Variants in CDKAL1 observed in about 807,000 individuals in gnomAD.
CDKAL1 encodes the protein threonylcarbamoyladenosine tRNA methylthiotransferase.
CDKAL1 carries 32 observed loss-of-function variants against 68.2 expected under a neutral mutation model. The ratio of observed to expected loss-of-function variants is 0.47; its 90% CI spans 0.35 to 0.63. The LOEUF is 0.63. Ranked by LOEUF, CDKAL1 falls within the 30% of genes least tolerant of loss-of-function variation. CDKAL1 has a pLI of 0.00. For synonymous variants in CDKAL1, 234 were observed against 244.3 expected (o/e 0.96, Z 0.39); for missense variants, 606 against 696.7 (o/e 0.87, Z 1.47).
At chr6:20,653,016 T>G (rs1768845137) in intron 5 of CDKAL1, among the ~76,000 whole-genome samples, 1 of 152,244 alleles carries the variant, frequency 6.6e-6, no homozygotes. Context: ...ACTGTTTGTG[T>G]TCTTCTGAGA....
intron 8 of CDKAL1, among the ~76,000 whole-genome samples, chr6:20,794,480 CT>C (rs1174618139): frequency 2.4e-4 from 36 of 152,064 alleles, no homozygotes; most frequent in Admixed American, 2.4e-3. Context: ...GGAAAAAACC[CT>C]TTTAATTAGG....
At chr6:20,620,388 C>T (rs147330910) in intron 4 of CDKAL1, among the ~76,000 whole-genome samples, 46 of 152,288 alleles carry the variant, frequency 3.0e-4, no homozygotes, top group African/African-American at 1.1e-3. Flanking sequence ...ATTTGTTAAG[C>T]TTCTACAATA....
chr6:20,575,441 CA>C (rs57442477), intron 4 of CDKAL1, among the ~76,000 whole-genome samples: 22,004 of 95,414 alleles, frequency 0.23, 1,044 homozygotes, highest in East Asian at 0.4. Flanking sequence ...AGGGGCACCA[CA>C]AAAAAAAAAA....
chr6:20,715,714 TG>T (rs1490751814), intron 5 of CDKAL1, among the ~76,000 whole-genome samples: 1 of 152,222 alleles, frequency 6.6e-6, no homozygotes, highest in Non-Finnish European at 1.5e-5. Flanking sequence ...CTTTCATCAA[TG>T]CTTGTTATCT....
chr6:21,069,804 T>TTTTTTTTTA (rs60342057), intron 12 of CDKAL1, among the ~76,000 whole-genome samples: 11 of 85,472 alleles, frequency 1.3e-4, no homozygotes, highest in Non-Finnish European at 2.0e-4. Flanking sequence ...TTTTTTTTTT[T>TTTTTTTTTA]AAAACAGAGC....
intron 8 of CDKAL1, among the ~76,000 whole-genome samples, chr6:20,811,030 A>C (rs1021986501): frequency 6.6e-6 from 1 of 152,174 alleles, no homozygotes; most frequent in Non-Finnish European, 1.5e-5. Context: ...TCATGTAAGG[A>C]ATATGAGCAG....
intron 4 of CDKAL1, among the ~76,000 whole-genome samples, chr6:20,587,526 A>T (rs1253424683): frequency 2.6e-5 from 4 of 151,794 alleles, no homozygotes; most frequent in Non-Finnish European, 5.9e-5. Context: ...TTAGCCCAGG[A>T]GTTTGCCACC....
At chr6:21,014,997 G>GCCT (rs1768246246) in intron 11 of CDKAL1, among the ~76,000 whole-genome samples, 1 of 152,080 alleles carries the variant, frequency 6.6e-6, no homozygotes, top group East Asian at 1.9e-4. Flanking sequence ...TAGTATGTAT[G>GCCT]CAGCAATTGC....
intron 9 of CDKAL1, among the ~76,000 whole-genome samples, chr6:20,937,801 G>A (rs367656544): frequency 1.6e-4 from 25 of 151,640 alleles, no homozygotes; most frequent in African/African-American, 6.0e-4. Context: ...TCTCATTACT[G>A]GTGGGTTTGA....
At chr6:21,108,214 A>G (rs903309307) in intron 12 of CDKAL1, among the ~76,000 whole-genome samples, 187 bp from the exon 13 acceptor site, 2 of 151,860 alleles carry the variant, frequency 1.3e-5, no homozygotes, top group Admixed American at 6.6e-5. Flanking sequence ...CCACATAACC[A>G]TAAAGTGACT....
intron 9 of CDKAL1, among the ~76,000 whole-genome samples, chr6:20,865,979 G>T (rs1759886698): frequency 6.6e-6 from 1 of 152,182 alleles, no homozygotes; most frequent in African/African-American, 2.4e-5. Context: ...CTTCAGAAGT[G>T]CTGAGTAAAT....
At chr6:20,987,000 T>C (rs958960002) in intron 10 of CDKAL1, among the ~76,000 whole-genome samples, 3 of 152,182 alleles carry the variant, frequency 2.0e-5, no homozygotes, top group African/African-American at 7.2e-5. Flanking sequence ...TAGGAAGTAT[T>C]TTGACCTTTC....
intron 13 of CDKAL1, among the ~76,000 whole-genome samples, chr6:21,133,702 T>G (rs905916375): frequency 6.6e-6 from 1 of 152,246 alleles, no homozygotes; most frequent in Non-Finnish European, 1.5e-5. Flanking sequence ...TCATTCATCT[T>G]GCAAAACAGT....
intron 5 of CDKAL1, among the ~76,000 whole-genome samples, chr6:20,674,150 A>G (rs1368416483): frequency 6.6e-6 from 1 of 151,852 alleles, no homozygotes; most frequent in African/African-American, 2.4e-5. Context: ...TTTTTCTAGA[A>G]TTATTTATGG....
intron 5 of CDKAL1, among the ~76,000 whole-genome samples, chr6:20,669,109 A>G (rs1032479167): frequency 3.3e-5 from 5 of 152,166 alleles, no homozygotes; most frequent in Admixed American, 2.6e-4. Flanking sequence ...TCTCCACTGT[A>G]AAGTTACTGT....
At chr6:20,645,558 C>T (rs1320217980) in intron 4 of CDKAL1, among the ~76,000 whole-genome samples, 2 of 151,756 alleles carry the variant, frequency 1.3e-5, no homozygotes, top group Non-Finnish European at 2.9e-5. Context: ...GATGAAACCC[C>T]GTCTGTACTA....
chr6:20,566,117 GT>G (rs1205372195), intron 4 of CDKAL1, among the ~76,000 whole-genome samples: 1 of 152,008 alleles, frequency 6.6e-6, no homozygotes, highest in Non-Finnish European at 1.5e-5. Context: ...TTTTGGGTAG[GT>G]AGTAAAATGT....
At chr6:20,845,822 G>A (rs1778355908) in intron 8 of CDKAL1, among the ~76,000 whole-genome samples, 1 of 152,110 alleles carries the variant, frequency 6.6e-6, no homozygotes, top group Non-Finnish European at 1.5e-5. Context: ...TCATAGATTT[G>A]TGCACTTTTA....
intron 4 of CDKAL1, among the ~76,000 whole-genome samples, chr6:20,574,172 T>G (rs1023977909): frequency 3.3e-5 from 5 of 152,212 alleles, no homozygotes; most frequent in African/African-American, 9.6e-5. Flanking sequence ...AATAAGCTTT[T>G]TAATATGGAC....
Sources: gnomAD v4.1 joint callset for allele counts (sites outside exome capture counted in the v4.1 genomes callset) on GRCh38, gnomAD v4.1.1 for gene constraint, MANE v1.5 for transcripts, NCBI Gene and HGNC (gene_info 2026-07-23, HGNC 2026-07-21) for gene names.